The following TSNARE1 variants were observed in gnomAD, a reference collection of about 807,000 sequenced individuals.
TSNARE1 encodes t-SNARE domain-containing protein 1.
In TSNARE1, 49 loss-of-function variants were observed where a neutral mutation model predicts 62.0. The ratio of observed to expected loss-of-function variants is 0.79; its 90% CI spans 0.63 to 1.00. The LOEUF is 1.00. Ranked by LOEUF, TSNARE1 falls within the 50% of genes least tolerant of loss-of-function variation. The pLI, the probability that TSNARE1 is intolerant of heterozygous loss-of-function variation, is 0.00. For missense variants in TSNARE1, 755 were observed against 700.1 expected (o/e 1.08, Z -0.88); for synonymous variants, 328 against 294.4 (o/e 1.11, Z -1.17).
intron 12 of TSNARE1, among the ~76,000 whole-genome samples, chr8:142,252,330 A>G (rs1201606294): frequency 6.6e-6 from 1 of 152,156 alleles, no homozygotes; most frequent in East Asian, 1.9e-4. Context: ...CCCCGGTACC[A>G]GGGCACTGGC....
intron 10 of TSNARE1, among the ~76,000 whole-genome samples, chr8:142,289,995 GT>G (rs1434834781): frequency 2.6e-5 from 4 of 152,166 alleles, no homozygotes; most frequent in Admixed American, 2.6e-4. Flanking sequence ...GCATGGGTGG[GT>G]CCCCCCAGGC....
intron 1 of TSNARE1, among the ~76,000 whole-genome samples, chr8:142,380,613 T>C (rs1257278675): frequency 1.5e-5 from 2 of 134,050 alleles, no homozygotes; most frequent in African/African-American, 5.7e-5. Context: ...GCAGAGCCCC[T>C]CCCTCTGTCC....
At chr8:142,269,599 G>C (rs939940076) in intron 12 of TSNARE1, 1 of 984,996 alleles carries the variant, frequency 1.0e-6, no homozygotes, top group African/African-American at 1.7e-5. Flanking sequence ...AAAGTGCTGT[G>C]ATTACAGGCA....
At chr8:142,368,839 G>C (rs1057445298) in intron 1 of TSNARE1, among the ~76,000 whole-genome samples, 1 of 152,212 alleles carries the variant, frequency 6.6e-6, no homozygotes, top group Non-Finnish European at 1.5e-5. Context: ...CAGGGCATTT[G>C]TGAACACCCA....
intron 12 of TSNARE1, among the ~76,000 whole-genome samples, chr8:142,264,909 A>T (rs1209770322): frequency 6.6e-6 from 1 of 151,994 alleles, no homozygotes; most frequent in East Asian, 1.9e-4. Flanking sequence ...GACAGTTCCA[A>T]ATGCTTCTTT....
chr8:142,272,836 A>G (rs1819826420), intron 12 of TSNARE1: 1 of 983,294 alleles, frequency 1.0e-6, no homozygotes, highest in Admixed American at 6.2e-5. Flanking sequence ...CGGGAACAGG[A>G]CATTCTATGC....
intron 1 of TSNARE1, among the ~76,000 whole-genome samples, chr8:142,361,406 G>C (rs1350008569): frequency 6.6e-6 from 1 of 152,240 alleles, no homozygotes; most frequent in African/African-American, 2.4e-5. Flanking sequence ...CCTCGGGCGA[G>C]CCCAGGGCTG....
chr8:142,301,274 G>A (rs577140853), intron 9 of TSNARE1, among the ~76,000 whole-genome samples: 163 of 95,448 alleles, frequency 1.7e-3, no homozygotes, highest in African/African-American at 6.7e-3. Flanking sequence ...CTCCCGTCAG[G>A]AGCCCGCAGT....
intron 1 of TSNARE1, among the ~76,000 whole-genome samples, chr8:142,385,412 C>T (rs188105280): frequency 7.9e-5 from 12 of 152,300 alleles, no homozygotes; most frequent in Non-Finnish European, 1.3e-4. Flanking sequence ...GCCGTCAAAA[C>T]GACTGTCAAT....
intron 4 of TSNARE1, among the ~76,000 whole-genome samples, chr8:142,332,748 C>G (rs1831234838): frequency 6.6e-6 from 1 of 152,148 alleles, no homozygotes. Flanking sequence ...GGCATTTACA[C>G]AGAGGAGCAG....
At chr8:142,375,746 G>C (rs1836279631) in intron 1 of TSNARE1, among the ~76,000 whole-genome samples, 1 of 152,210 alleles carries the variant, frequency 6.6e-6, no homozygotes, top group African/African-American at 2.4e-5. Flanking sequence ...CCCGCACAGA[G>C]ACCCCCAGTC....
intron 2 of TSNARE1, among the ~76,000 whole-genome samples, chr8:142,349,412 A>G (rs1833802604): frequency 6.6e-6 from 1 of 152,238 alleles, no homozygotes; most frequent in South Asian, 2.1e-4. Flanking sequence ...TTAGAAATGA[A>G]TATTTACCAT....
chr8:142,329,345 C>T (rs1213640112), intron 6 of TSNARE1, among the ~76,000 whole-genome samples: 1 of 152,196 alleles, frequency 6.6e-6, no homozygotes, highest in Admixed American at 6.5e-5. Flanking sequence ...ACGCTGGGGT[C>T]CCCTCTCCTC....
chr8:142,358,024 TGG>T, intron 1 of TSNARE1, among the ~76,000 whole-genome samples: 2 of 136,846 alleles, frequency 1.5e-5, no homozygotes, highest in African/African-American at 5.6e-5. Context: ...CGGGGTCTGC[TGG>T]GTTTCAGGAC....
chr8:142,306,356 G>A (rs542395105), intron 9 of TSNARE1, among the ~76,000 whole-genome samples: 2 of 152,348 alleles, frequency 1.3e-5, no homozygotes, highest in East Asian at 1.9e-4. Flanking sequence ...GGGGACACAC[G>A]AAGTCCTGGT....
intron 1 of TSNARE1, among the ~76,000 whole-genome samples, chr8:142,390,137 C>A (rs1199674002): frequency 6.6e-6 from 1 of 152,230 alleles, no homozygotes; most frequent in African/African-American, 2.4e-5. Flanking sequence ...GGGCACTTAC[C>A]ATGAACGGGG....
Position 142,374,218 on chromosome 8 carries a change from C to T in TSNARE1, c.-39-19455G>A, listed in dbSNP as rs185932543. Among the ~76,000 whole-genome samples the T allele has an allele frequency of 1.1e-3, 160 of 151,556 alleles. 2 individuals are homozygous for T. Among genetic ancestry groups the T allele is most frequent in the Middle Eastern group, 3.4e-3 (1 of 294 alleles). ...ACTGGGGAGGCTGAGGCAGGAGAAT[C>T]GCTTGAACCCAGGGAGGCGGAGGTT... On this transcript the variant is annotated intron_variant, in intron 1 of 13. Coordinates refer to ENST00000524325, the MANE Select transcript of TSNARE1 (RefSeq NM_145003.5).
chr8:142,379,263 A>G (rs1836558836), intron 1 of TSNARE1, among the ~76,000 whole-genome samples: 1 of 152,198 alleles, frequency 6.6e-6, no homozygotes, highest in Non-Finnish European at 1.5e-5. Flanking sequence ...AGTAGGCACC[A>G]CACCTCTGAG....
Position 142,215,376 on chromosome 8 carries a change from C to G in TSNARE1, c.*12-3063G>C, listed in dbSNP as rs79106870. Among the ~76,000 whole-genome samples, 23 of 152,238 alleles carry G rather than the reference C, an allele frequency of 1.5e-4. No individual in the cohort carries two copies. The South Asian group carries it at 2.3e-3, about 15-fold the overall frequency. On this transcript the variant is annotated intron_variant, in intron 13 of 13. Transcript: ENST00000524325. ...TGGTGTCAGTGGACAGGGTCTAATG[C>G]GAGGTGGCAGCAATGGTGGTCAGGG...
Sources: gnomAD v4.1 joint callset for allele counts (sites outside exome capture counted in the v4.1 genomes callset) on GRCh38, gnomAD v4.1.1 for gene constraint, MANE v1.5 for transcripts, NCBI Gene and HGNC (gene_info 2026-07-23, HGNC 2026-07-21) for gene names.